UACA: variants seen among roughly 807,000 people sequenced by gnomAD.
The protein encoded by UACA is nuclear membrane binding protein.
In UACA, 112 loss-of-function variants were observed where a neutral mutation model predicts 160.5. The ratio of observed to expected loss-of-function variants is 0.70; its 90% confidence interval spans 0.60 to 0.82. The LOEUF is 0.82. Among genes scored for constraint, UACA ranks in the 40% least tolerant of loss-of-function variants. UACA has a pLI of 0.00. For synonymous variants in UACA, 557 were observed against 568.4 expected, an observed-to-expected ratio of 0.98 and a Z score of 0.29; for missense variants, 1,574 against 1,614.6, an observed-to-expected ratio of 0.97 and a Z score of 0.43.
chr15:70,749,016 A>G (rs1172864109), intron 1 of UACA: 1 of 171,314 alleles, frequency 5.8e-6, no homozygotes, highest in Non-Finnish European at 1.3e-5. Flanking sequence ...TACATGCTAT[A>G]GTATTTAATG....
rs1896962995 is a variant in UACA at position 70,667,525 on chromosome 15, C to T, written c.3159G>A (p.Lys1053=). The T allele has an allele frequency of 1.9e-6, 3 of 1,612,896 alleles. No homozygotes were observed. The highest frequency in any genetic ancestry group is 2.5e-6 in the Non-Finnish European group (3 of 1,179,948). Residue 1053 remains lysine (K), a synonymous_variant, in exon 16 of 19, where the codon AAG becomes AAA. Transcript: ENST00000322954. ...DLRDKTVLIE[K]SHEMERALSR... ...TTAATGCTCTTTCCATTTCATGAGA[C>T]TTCTCAATGAGAACTGTCTTATCTC...
At chr15:70,691,409 G>T in intron 3 of UACA, 46 bp from the exon 4 acceptor site, 1 of 1,361,102 alleles carries the variant, frequency 7.3e-7, no homozygotes, top group Non-Finnish European at 1.0e-6. Flanking sequence ...TTCTTCATAT[G>T]TAAATTGAGG....
intron 1 of UACA, among the ~76,000 whole-genome samples, chr15:70,718,060 T>C (rs545731104): frequency 0.031 from 4,169 of 133,304 alleles, 221 homozygotes; most frequent in African/African-American, 0.13. Context: ...CACACACACA[T>C]ATATATCCTA....
At chr15:70,741,236 C>T (rs1444992800) in intron 1 of UACA, among the ~76,000 whole-genome samples, 1 of 152,154 alleles carries the variant, frequency 6.6e-6, no homozygotes, top group Non-Finnish European at 1.5e-5. Flanking sequence ...AGGCAAATAA[C>T]ACAGCAGGCT....
chr15:70,697,792 T>C (rs1189815107), intron 2 of UACA, among the ~76,000 whole-genome samples: 1 of 152,228 alleles, frequency 6.6e-6, no homozygotes, highest in African/African-American at 2.4e-5. Context: ...GGCTCACGCC[T>C]GTAATCCCAG....
Position 70,677,132 on chromosome 15 carries a change from CA to C in UACA, c.1007del (p.Met336ArgfsTer13), listed in dbSNP as rs1897325419. ...GLQLQLNEEV[M>X]VADDLESERE... Reference sequence around the variant, plus strand: ...CCTCGCTTTCCAGATCATCAGCAACCATAACTTCCTAAATTTAAAAAGAACA... The same window carrying C: ...CCTCGCTTTCCAGATCATCAGCAACCTAACTTCCTAAATTTAAAAAGAACA... On this transcript the variant is annotated frameshift_variant, in exon 12 of 19. Transcript: ENST00000322954. LOFTEE classifies it high-confidence loss of function. The C allele has an allele frequency of 6.2e-7, 1 of 1,601,318 alleles. No individual in the cohort carries two copies. Among genetic ancestry groups the C allele is most frequent in the African/African-American group, 1.3e-5 (1 of 74,168 alleles).
chr15:70,763,184 T>C (rs547326866), intron 1 of UACA, 146 bp downstream of exon 1: 248 of 894,676 alleles, frequency 2.8e-4, no homozygotes, highest in East Asian at 6.7e-4. Context: ...TGACGGAGTC[T>C]CCGGCCTCAG....
At chr15:70,675,543 G>A (rs546653515) in intron 13 of UACA, among the ~76,000 whole-genome samples, 13 of 152,156 alleles carry the variant, frequency 8.5e-5, no homozygotes, top group Admixed American at 3.3e-4. Context: ...CTCACCAAAC[G>A]GCGGTCTCTA....
intron 17 of UACA, among the ~76,000 whole-genome samples, 196 bp downstream of exon 17, chr15:70,664,466 T>C (rs1896831610): frequency 6.6e-6 from 1 of 152,184 alleles, no homozygotes; most frequent in Admixed American, 6.6e-5. Flanking sequence ...ATGTTTAATA[T>C]GGTGCCTGGT....
At chr15:70,709,656 GATTT>G (rs1233180109) in intron 1 of UACA, among the ~76,000 whole-genome samples, 3 of 152,072 alleles carry the variant, frequency 2.0e-5, no homozygotes, top group African/African-American at 7.2e-5. Flanking sequence ...GTCTGAACAA[GATTT>G]ATTTAAGCCT....
intron 1 of UACA, among the ~76,000 whole-genome samples, chr15:70,727,949 C>T (rs1028540598): frequency 3.3e-5 from 5 of 152,114 alleles, no homozygotes; most frequent in South Asian, 4.1e-4. Flanking sequence ...GTAGACAAAC[C>T]GTTTTCATCA....
intron 9 of UACA, among the ~76,000 whole-genome samples, chr15:70,680,204 T>C (rs1423672501): frequency 6.6e-6 from 1 of 152,206 alleles, no homozygotes; most frequent in Non-Finnish European, 1.5e-5. Context: ...TTAAATAACT[T>C]GGTTGGGTGT....
chr15:70,697,378 A>G (rs1222203418), intron 2 of UACA, among the ~76,000 whole-genome samples: 1 of 152,232 alleles, frequency 6.6e-6, no homozygotes, highest in Non-Finnish European at 1.5e-5. Flanking sequence ...CACAAACTGG[A>G]GTCCACTGTT....
chr15:70,745,966 C>T (rs1566998042), intron 1 of UACA, among the ~76,000 whole-genome samples: 1 of 152,130 alleles, frequency 6.6e-6, no homozygotes, highest in African/African-American at 2.4e-5. Flanking sequence ...TTCCTTACAC[C>T]TTATACAAAA....
At chr15:70,752,498 T>C (rs1428661410) in intron 1 of UACA, among the ~76,000 whole-genome samples, 3 of 152,158 alleles carry the variant, frequency 2.0e-5, no homozygotes, top group East Asian at 1.9e-4. Flanking sequence ...GAAAGCATGA[T>C]GTATTATATG....
chr15:70,660,126 T>C (rs1443963056), intron 18 of UACA, 25 bp downstream of exon 18: 2 of 1,583,114 alleles, frequency 1.3e-6, no homozygotes, highest in African/African-American at 1.4e-5. Context: ...GCAATATTCT[T>C]TCCAAAGGAG....
At chr15:70,688,980 A>G (rs1401357500) in intron 5 of UACA, among the ~76,000 whole-genome samples, 1 of 152,126 alleles carries the variant, frequency 6.6e-6, no homozygotes, top group African/African-American at 2.4e-5. Flanking sequence ...TCACCTAGAG[A>G]GTTTATTTCT....
In UACA at chr15:70,715,965, G is replaced by A. The variant is rs558219800; in HGVS notation, c.79-16305C>T. ...GGATATAAAGGAACTAATTTAAGGCGGTGGATGATGCAGTGGATGATGCAG... is the reference window on the plus strand; with the variant it reads ...GGATATAAAGGAACTAATTTAAGGCAGTGGATGATGCAGTGGATGATGCAG... On this transcript the variant is annotated intron_variant, in intron 1 of 18. Transcript: ENST00000322954. Among the ~76,000 whole-genome samples the A allele has an allele frequency of 5.9e-5, 9 of 152,210 alleles. No individual in the cohort carries two copies. In the South Asian group the frequency reaches 1.7e-3, roughly 28 times the overall value.
chr15:70,656,976 G>A lies in UACA; in HGVS notation c.*80C>T. 4.4e-6 allele frequency: 5 copies of A among 1,149,008 alleles called. No individual in the cohort carries two copies. 71.2% of individuals were successfully genotyped at this position (1,149,008 alleles called of 1,614,324 possible). A position where few individuals can be genotyped will look rare whatever the true frequency, so the allele number is the denominator to read the frequency against. ...ATTTTAATTATACCAGCACAGTAAG[G>A]CCCAGAAAGACCATGGAGTTGCACA... On this transcript the variant is annotated 3_prime_UTR_variant, in exon 19 of 19. Transcript: ENST00000322954.
Sources: gnomAD v4.1 joint callset for allele counts (sites outside exome capture counted in the v4.1 genomes callset) on GRCh38, gnomAD v4.1.1 for gene constraint, MANE v1.5 for transcripts, NCBI Gene and HGNC (gene_info 2026-07-23, HGNC 2026-07-21) for gene names.